Variants in KIAA1328 observed in about 807,000 individuals in gnomAD.
The protein encoded by KIAA1328 is KIAA1328.
A neutral mutation model predicts 68.1 loss-of-function variants in KIAA1328; 52 were observed. That is an observed-to-expected ratio of 0.76 (90% CI 0.61 to 0.96). KIAA1328 has a LOEUF of 0.96. Among genes scored for constraint, KIAA1328 ranks in the 40% least tolerant of loss-of-function variants. The pLI, the probability that KIAA1328 is intolerant of heterozygous loss-of-function variation, is 0.00. For missense variants in KIAA1328, 641 were observed against 677.6 expected (o/e 0.95, Z 0.60); for synonymous variants, 232 against 239.4 (o/e 0.97, Z 0.28).
At chr18:37,169,791 G>A (rs2059465319) in intron 8 of KIAA1328, among the ~76,000 whole-genome samples, 1 of 152,080 alleles carries the variant, frequency 6.6e-6, no homozygotes, top group South Asian at 2.1e-4. Context: ...AAAAGATATG[G>A]TTTCTTTCTT....
intron 6 of KIAA1328, among the ~76,000 whole-genome samples, chr18:37,051,935 G>T (rs1336020477): frequency 6.6e-6 from 1 of 152,022 alleles, no homozygotes; most frequent in African/African-American, 2.4e-5. Flanking sequence ...CCAGCTATTT[G>T]GGAGGCTGAG....
At chr18:36,915,815 A>G (rs1221150198) in intron 5 of KIAA1328, among the ~76,000 whole-genome samples, 2 of 152,160 alleles carry the variant, frequency 1.3e-5, no homozygotes, top group Non-Finnish European at 2.9e-5. Context: ...TGACTCAGCA[A>G]TCCCACTCCT....
intron 6 of KIAA1328, among the ~76,000 whole-genome samples, chr18:36,975,332 G>A (rs2052423056): frequency 6.6e-6 from 1 of 151,790 alleles, no homozygotes; most frequent in Non-Finnish European, 1.5e-5. Flanking sequence ...ACAGGCGCCC[G>A]CCACTACGCC....
At chr18:37,066,662 C>G (rs1051448674) in intron 6 of KIAA1328, among the ~76,000 whole-genome samples, 15 of 152,160 alleles carry the variant, frequency 9.9e-5, no homozygotes, top group Non-Finnish European at 1.6e-4. Context: ...GTAGCAGCAA[C>G]TTATTTTTCT....
At chr18:36,944,821 A>G (rs887909333) in intron 5 of KIAA1328, among the ~76,000 whole-genome samples, 1 of 152,220 alleles carries the variant, frequency 6.6e-6, no homozygotes, top group African/African-American at 2.4e-5. Context: ...GTTACATTTA[A>G]CAATTAATAG....
chr18:37,198,077 AG>A (rs2060037118), intron 9 of KIAA1328, among the ~76,000 whole-genome samples: 1 of 152,202 alleles, frequency 6.6e-6, no homozygotes, highest in South Asian at 2.1e-4. Flanking sequence ...GAAAGAAGCC[AG>A]TCACAAAAGG....
At position 37,225,096 on chromosome 18, in the gene KIAA1328, C is replaced by CT; in HGVS notation, c.*2871dup. 2.0e-6 allele frequency: 2 copies of CT among 985,460 alleles called. No homozygotes were observed. Among genetic ancestry groups the CT allele is most frequent in the Non-Finnish European group, 2.4e-6 (2 of 829,966 alleles). 61.0% of individuals were successfully genotyped at this position (985,460 alleles called of 1,614,324 possible). On this transcript the variant is annotated 3_prime_UTR_variant, in exon 10 of 10. Transcript: ENST00000280020. ...TCTGCTCCCTCAGAGCTACTCTTCA[C>CT]TTGTCCCTGCTTCCGGCACCAAGTT...
At chr18:36,987,421 C>A (rs2151395292) in intron 6 of KIAA1328, among the ~76,000 whole-genome samples, 1 of 145,788 alleles carries the variant, frequency 6.9e-6, no homozygotes, top group Middle Eastern at 3.6e-3. Context: ...ACCAGCATGG[C>A]ACATGTATAC....
At chr18:36,866,011 C>G (rs909394164) in intron 4 of KIAA1328, among the ~76,000 whole-genome samples, 2 of 152,214 alleles carry the variant, frequency 1.3e-5, no homozygotes, top group African/African-American at 4.8e-5. Context: ...TGATGCTACA[C>G]ATGGGGCTGC....
chr18:37,229,507 G>A (rs1786073), downstream of KIAA1328: 196,700 of 1,220,638 alleles, frequency 0.16, 23,677 homozygotes, highest in African/African-American at 0.63. Context: ...ATAGAATTCA[G>A]ACTCAGAAAC....
At chr18:36,988,037 A>T (rs1165500259) in intron 6 of KIAA1328, among the ~76,000 whole-genome samples, 3 of 152,086 alleles carry the variant, frequency 2.0e-5, no homozygotes, top group African/African-American at 7.2e-5. Context: ...AACAAATTGT[A>T]TATTCCTGAC....
chr18:37,028,880 G>A (rs1165946016), intron 6 of KIAA1328, among the ~76,000 whole-genome samples: 3 of 152,092 alleles, frequency 2.0e-5, no homozygotes, highest in African/African-American at 7.2e-5. Context: ...CAGCTTGATT[G>A]TGGTGGATTA....
At chr18:36,859,251 T>A (rs888267766) in intron 4 of KIAA1328, among the ~76,000 whole-genome samples, 1 of 152,070 alleles carries the variant, frequency 6.6e-6, no homozygotes, top group African/African-American at 2.4e-5. Context: ...TTTCATTATG[T>A]CTCCTTTATT....
chr18:37,019,469 A>T (rs1460600851), intron 6 of KIAA1328, among the ~76,000 whole-genome samples: 1 of 152,224 alleles, frequency 6.6e-6, no homozygotes, highest in Non-Finnish European at 1.5e-5. Flanking sequence ...AGAACCAGGA[A>T]CAACAGATCT....
chr18:37,155,160 C>T (rs1406475573), intron 7 of KIAA1328, among the ~76,000 whole-genome samples: 1 of 152,186 alleles, frequency 6.6e-6, no homozygotes, highest in Non-Finnish European at 1.5e-5. Context: ...CTTCACCTCT[C>T]TTCTCAATAC....
intron 5 of KIAA1328, among the ~76,000 whole-genome samples, chr18:36,947,013 C>T (rs1444048504): frequency 3.3e-5 from 5 of 152,114 alleles, no homozygotes; most frequent in African/African-American, 4.8e-5. Flanking sequence ...GTTTACATTT[C>T]CACTAAGAAA....
rs1358224362 is a variant in KIAA1328 at position 37,223,398 on chromosome 18, G to T, written c.*1171G>T. On this transcript the variant is annotated 3_prime_UTR_variant, in exon 10 of 10. Coordinates refer to ENST00000280020, the MANE Select transcript of KIAA1328 (RefSeq NM_020776.3). ...GTCTTTTCTCCCACAGAGCTCTTGA[G>T]ATGGGTCCTTCAGCTTGCAGTGGTC... The T allele has an allele frequency of 6.1e-6, 6 of 985,426 alleles. No homozygotes were observed. The highest frequency in any genetic ancestry group is 7.2e-6 in the Non-Finnish European group (6 of 829,952). 61.0% of individuals were successfully genotyped at this position (985,426 alleles called of 1,614,324 possible).
chr18:37,058,696 A>G (rs1388266837), intron 6 of KIAA1328, among the ~76,000 whole-genome samples: 1 of 152,130 alleles, frequency 6.6e-6, no homozygotes, highest in Non-Finnish European at 1.5e-5. Flanking sequence ...TGGGTGACAG[A>G]GCAAGACTCT....
At chr18:37,186,564 C>CAAAAA (rs397858280) in intron 9 of KIAA1328, among the ~76,000 whole-genome samples, 9 of 73,126 alleles carry the variant, frequency 1.2e-4, no homozygotes, top group East Asian at 4.8e-4. Context: ...GAAACCCTAT[C>CAAAAA]AAAAAAAAAA....
Sources: allele counts gnomAD v4.1 joint callset (sites outside exome capture counted in the v4.1 genomes callset), GRCh38; gene constraint gnomAD v4.1.1; transcripts MANE v1.5; gene names NCBI Gene and HGNC (gene_info 2026-07-23, HGNC 2026-07-21).